The following TYW1B variants were observed in gnomAD, a reference collection of about 807,000 sequenced individuals.
TYW1B encodes the protein S-adenosyl-L-methionine-dependent tRNA 4-demethylwyosine synthase TYW1B.
A neutral mutation model predicts 86.9 loss-of-function variants in TYW1B; 73 were observed. That is an observed-to-expected ratio of 0.84 (90% CI 0.70 to 1.02). The LOEUF (loss-of-function observed/expected upper bound fraction) is 1.02. TYW1B is among the 50% of genes least tolerant of loss of function. TYW1B has a pLI of 0.00. For synonymous variants in TYW1B, 248 were observed against 292.8 expected (o/e 0.85, Z 1.56); for missense variants, 637 against 827.4 (o/e 0.77, Z 2.82).
intron 8 of TYW1B, among the ~76,000 whole-genome samples, chr7:72,734,908 GA>G (rs1554460665): frequency 6.6e-6 from 1 of 152,140 alleles, no homozygotes; most frequent in East Asian, 1.9e-4. Flanking sequence ...AAACCGCAAT[GA>G]AATTCCATCT....
intron 3 of TYW1B, among the ~76,000 whole-genome samples, chr7:72,811,932 AAAAG>A (rs782344480): frequency 1.4e-4 from 19 of 131,304 alleles, no homozygotes; most frequent in East Asian, 8.8e-4. Flanking sequence ...AAAAAAAAAA[AAAAG>A]GAAAAGAAAA....
chr7:72,608,749 G>C (rs1371247926), intron 13 of TYW1B, among the ~76,000 whole-genome samples: 1 of 152,210 alleles, frequency 6.6e-6, no homozygotes, highest in African/African-American at 2.4e-5. Context: ...TTGTCAGATA[G>C]AGTAAACTTC....
At chr7:72,779,213 A>G (rs1788006809) in intron 6 of TYW1B, among the ~76,000 whole-genome samples, 1 of 152,230 alleles carries the variant, frequency 6.6e-6, no homozygotes, top group Non-Finnish European at 1.5e-5. Context: ...CTGTAACACC[A>G]TTTCTACTTT....
chr7:72,778,195 T>C (rs188472531), intron 6 of TYW1B, among the ~76,000 whole-genome samples: 35 of 152,272 alleles, frequency 2.3e-4, no homozygotes, highest in African/African-American at 7.9e-4. Context: ...TTTCTCTGAA[T>C]TTCAATTTCC....
At chr7:72,632,732 T>C (rs1197503211) in intron 11 of TYW1B, among the ~76,000 whole-genome samples, 140 of 150,788 alleles carry the variant, frequency 9.3e-4, no homozygotes, top group African/African-American at 3.1e-3. Context: ...CCTTACTATG[T>C]GGCAGCTGTT....
intron 1 of TYW1B, 73 bp from the exon 2 acceptor site, chr7:72,827,058 A>C: frequency 6.6e-7 from 1 of 1,520,066 alleles, no homozygotes; most frequent in South Asian, 1.3e-5. Flanking sequence ...CCCGATTTTA[A>C]GAAGAAAATA....
Position 72,628,861 on chromosome 7 carries a change from G to A in TYW1B, c.1617+26C>T, listed in dbSNP as rs1236873335. The A allele has an allele frequency of 1.5e-4, 240 of 1,563,806 alleles. 1 individual carries two copies. Among genetic ancestry groups the A allele is most frequent in the Admixed American group, 2.9e-4 (15 of 52,050 alleles). On this transcript the variant is annotated intron_variant, in intron 12 of 13. Coordinates refer to ENST00000620995, the MANE Select transcript of TYW1B (RefSeq NM_001145440.3). ...CCACGATTCTTTGTCACTCCACCAC[G>A]GCCACCAGAGTCAGCAGGGGCTTAC...
At chr7:72,593,478 A>G (rs1402583292) in intron 13 of TYW1B, among the ~76,000 whole-genome samples, 1 of 152,082 alleles carries the variant, frequency 6.6e-6, no homozygotes, top group Non-Finnish European at 1.5e-5. Context: ...ATTCAAAAAC[A>G]TAGATATCAT....
rs536673764 is a variant in TYW1B at position 72,596,798 on chromosome 7, G to C, written c.1785+19874C>G. Among the ~76,000 whole-genome samples the C allele has an allele frequency of 3.5e-4, 53 of 151,952 alleles. 1 individual carries two copies. Among genetic ancestry groups the C allele is most frequent in the Non-Finnish European group, 3.5e-4 (24 of 67,986 alleles). The stretch of plus-strand genomic sequence containing the variant: ...TGGACCTTATGAAAAATTTTAAAAG[G>C]CATGCATCAAAAGGCAGTATCAACA... On this transcript the variant is annotated intron_variant, in intron 13 of 13. Coordinates refer to ENST00000620995, the MANE Select transcript of TYW1B (RefSeq NM_001145440.3).
chr7:72,796,936 T>G (rs1554474542), intron 6 of TYW1B, among the ~76,000 whole-genome samples: 1 of 146,932 alleles, frequency 6.8e-6, no homozygotes, highest in Non-Finnish European at 1.5e-5. Context: ...CCTGAGTAGC[T>G]GGGATTACAG....
At position 72,724,940 on chromosome 7, in the gene TYW1B, C is replaced by T. The variant is rs373602204; in HGVS notation, c.1192+3882G>A. On this transcript the variant is annotated intron_variant, in intron 9 of 13. Coordinates refer to ENST00000620995, the MANE Select transcript of TYW1B (RefSeq NM_001145440.3). ...TTCTCTCTGCTATCCTGCATCCTAT[C>T]ATCCCTCAAGAGAATCTAAATTTTA... Among the ~76,000 whole-genome samples the T allele has an allele frequency of 5.9e-5, 9 of 152,298 alleles. No homozygotes were observed. The South Asian group carries it at 1.9e-3, about 32-fold the overall frequency.
intron 2 of TYW1B, among the ~76,000 whole-genome samples, chr7:72,818,391 G>A (rs563906311): frequency 6.6e-6 from 1 of 151,814 alleles, no homozygotes; most frequent in South Asian, 2.1e-4. Context: ...AGACCAGCCT[G>A]GGCATGGTGA....
chr7:72,798,174 C>T (rs760613006), intron 6 of TYW1B, among the ~76,000 whole-genome samples: 4 of 151,960 alleles, frequency 2.6e-5, no homozygotes, highest in Non-Finnish European at 5.9e-5. Context: ...GAGGCCGAGG[C>T]GGGCAGATCA....
chr7:72,734,509 G>C (rs1277798035), intron 8 of TYW1B, among the ~76,000 whole-genome samples: 2 of 152,118 alleles, frequency 1.3e-5, no homozygotes, highest in African/African-American at 4.8e-5. Flanking sequence ...TACCTACTGT[G>C]AAAACACAGA....
At chr7:72,625,230 C>T (rs1413165538) in intron 12 of TYW1B, among the ~76,000 whole-genome samples, 13 of 152,108 alleles carry the variant, frequency 8.5e-5, no homozygotes, top group Middle Eastern at 3.2e-3. Flanking sequence ...AGAGCTTTAA[C>T]AAGGCCTATC....
chr7:72,634,034 AT>A (rs1279321522), intron 11 of TYW1B, among the ~76,000 whole-genome samples: 4 of 152,128 alleles, frequency 2.6e-5, no homozygotes, highest in African/African-American at 4.8e-5. Context: ...CATGGTACTT[AT>A]GTGTCACCAT....
intron 7 of TYW1B, among the ~76,000 whole-genome samples, chr7:72,748,225 C>T (rs1220414204): frequency 6.7e-6 from 1 of 148,400 alleles, no homozygotes; most frequent in Non-Finnish European, 1.5e-5. Flanking sequence ...GCCGAGATGG[C>T]GCCACTGCAC....
At chr7:72,745,027 T>C (rs1390791089) in intron 7 of TYW1B, among the ~76,000 whole-genome samples, 1 of 152,194 alleles carries the variant, frequency 6.6e-6, no homozygotes, top group Admixed American at 6.5e-5. Context: ...TGTCGTTCTT[T>C]TGTTTGTTTT....
At chr7:72,704,096 T>C (rs1454362956) in intron 10 of TYW1B, among the ~76,000 whole-genome samples, 2 of 152,116 alleles carry the variant, frequency 1.3e-5, no homozygotes, top group Non-Finnish European at 2.9e-5. Context: ...TGAGTTGTTA[T>C]ATGATTTTAT....
Sources: allele counts gnomAD v4.1 joint callset (sites outside exome capture counted in the v4.1 genomes callset), GRCh38; gene constraint gnomAD v4.1.1; transcripts MANE v1.5; gene names NCBI Gene and HGNC (gene_info 2026-07-23, HGNC 2026-07-21).